Variants in PPP4R3A observed in about 807,000 individuals in gnomAD.
PPP4R3A encodes the protein serine/threonine-protein phosphatase 4 regulatory subunit 3A.
A neutral mutation model predicts 91.7 loss-of-function variants in PPP4R3A; 15 were observed. That is an observed-to-expected ratio of 0.16 (90% confidence interval 0.11 to 0.25). The LOEUF (loss-of-function observed/expected upper bound fraction) is 0.25, where lower values mean the gene tolerates loss of function less well. Ranked by LOEUF, PPP4R3A falls within the 10% of genes least tolerant of loss-of-function variation. The probability of loss-of-function intolerance (pLI) is 1.00; values close to 1 mark genes in which losing one functional copy is unlikely to be tolerated. For missense variants in PPP4R3A, 623 were observed against 998.4 expected (o/e 0.62, Z 5.07); for synonymous variants, 377 against 348.7 (o/e 1.08, Z -0.91).
intron 6 of PPP4R3A, 139 bp from the exon 7 acceptor site, chr14:91,476,105 A>G (rs1321751692): frequency 2.0e-5 from 16 of 818,520 alleles, no homozygotes; most frequent in Non-Finnish European, 5.5e-6. Flanking sequence ...TGCATATAAA[A>G]CTCTTATTGT....
chr14:91,489,454 C>T (rs1197690211), intron 2 of PPP4R3A, among the ~76,000 whole-genome samples: 1 of 152,200 alleles, frequency 6.6e-6, no homozygotes, highest in Admixed American at 6.5e-5. Flanking sequence ...CTTAATTACC[C>T]ATTTGACAAA....
At chr14:91,464,444 TTTATA>T (rs564832050) in intron 11 of PPP4R3A, among the ~76,000 whole-genome samples, 6 of 151,952 alleles carry the variant, frequency 3.9e-5, no homozygotes, top group Non-Finnish European at 5.9e-5. Context: ...AGTTTAATGT[TTTATA>T]TTATTTTATC....
At chr14:91,484,387 A>G (rs1037605279) in intron 3 of PPP4R3A, among the ~76,000 whole-genome samples, 1 of 152,230 alleles carries the variant, frequency 6.6e-6, no homozygotes, top group Non-Finnish European at 1.5e-5. Flanking sequence ...GACAAACCAT[A>G]GCCAAATTTG....
rs1306881341 is a variant in PPP4R3A at position 91,509,962 on chromosome 14, C to G, written c.-315G>C. The G allele has an allele frequency of 2.0e-6, 2 of 1,013,118 alleles. No individual in the cohort carries two copies. Among genetic ancestry groups the G allele is most frequent in the East Asian group, 9.5e-5 (1 of 10,550 alleles). The allele number at this position is 1,013,118 out of a possible 1,614,324, so 62.8% of individuals were successfully genotyped here. A position where few individuals can be genotyped will look rare whatever the true frequency, so the allele number is the denominator to read the frequency against. The stretch of plus-strand genomic sequence containing the variant: ...GCCCCGCAGCGCTAGGAACTCGGGG[C>G]TCCCGTCACTGCCCTGCTCCCGCCT... On this transcript the variant is annotated 5_prime_UTR_variant, in exon 1 of 15. Transcript: ENST00000554943.
At position 91,462,747 on chromosome 14, in the gene PPP4R3A, G is replaced by A; in HGVS notation, c.1961C>T (p.Pro654Leu). 6.2e-7 allele frequency: 1 copy of A among 1,613,466 alleles called. No individual in the cohort carries two copies. Among genetic ancestry groups the A allele is most frequent in the South Asian group, 1.1e-5 (1 of 91,050 alleles). ...FEQQRERQDN[P>L]KLDSMRSILR... ...TATGGTAATTTACCTGTCAAGTTTGGGATTATCTTGCCTTTCTCTTTGTTG... is the reference window on the plus strand; with the variant it reads ...TATGGTAATTTACCTGTCAAGTTTGAGATTATCTTGCCTTTCTCTTTGTTG... Residue 654 changes from proline (P) to leucine (L), a missense_variant, in exon 12 of 15, where the codon CCC (proline) becomes CTC (leucine). This residue lies in a region of PPP4R3A where 201 missense variants were observed against 229.9 expected (regional missense o/e 0.87). Transcript: ENST00000554943.
intron 1 of PPP4R3A, among the ~76,000 whole-genome samples, chr14:91,507,345 T>C (rs987869802): frequency 9.0e-6 from 1 of 110,728 alleles, no homozygotes; most frequent in African/African-American, 3.4e-5. Context: ...ATACATATTA[T>C]ATATACTATA....
chr14:91,476,838 T>C (rs1385906383), intron 5 of PPP4R3A, 71 bp downstream of exon 5: 9 of 1,333,110 alleles, frequency 6.8e-6, no homozygotes, highest in Middle Eastern at 5.0e-4. Flanking sequence ...GTGCTGGGAT[T>C]TACAGGCGTG....
rs1330219488 is a variant in PPP4R3A, at chr14:91,507,400, ATAAT to A, written c.142+2102_142+2105del. ...ATATATACTATATAGTATATGTACT[ATAAT>A]TATATATACTATATAATATATATAC... On this transcript the variant is annotated intron_variant, in intron 1 of 14. Transcript: ENST00000554943. Among the ~76,000 whole-genome samples, 14 of 84,774 alleles carry A rather than the reference ATAAT, an allele frequency of 1.7e-4. 1 individual carries two copies. The highest frequency in any genetic ancestry group is 5.8e-4 in the African/African-American group (14 of 24,132). 55.6% of individuals were successfully genotyped at this position (84,774 alleles called of 152,430 possible).
intron 4 of PPP4R3A, among the ~76,000 whole-genome samples, chr14:91,480,508 G>A (rs965096120): frequency 1.3e-5 from 2 of 152,048 alleles, no homozygotes; most frequent in East Asian, 3.9e-4. Flanking sequence ...CCTGAAACTG[G>A]ACTTTTACCG....
intron 1 of PPP4R3A, among the ~76,000 whole-genome samples, chr14:91,500,557 G>T (rs1355707234): frequency 6.6e-6 from 1 of 152,068 alleles, no homozygotes; most frequent in African/African-American, 2.4e-5. Context: ...ACACTGTACT[G>T]TTGTATAGCA....
At chr14:91,462,992 A>AG (rs1888253480) in intron 11 of PPP4R3A, 115 bp from the exon 12 acceptor site, 1 of 806,192 alleles carries the variant, frequency 1.2e-6, no homozygotes, top group Non-Finnish European at 1.9e-6. Flanking sequence ...AAAACTACAT[A>AG]ATCTTAGAGA....
intron 10 of PPP4R3A, among the ~76,000 whole-genome samples, chr14:91,468,621 T>C (rs1484020351): frequency 2.6e-5 from 3 of 116,096 alleles, no homozygotes. Context: ...TGAGCCGAGA[T>C]CGTACCACTG....
chr14:91,505,771 A>C (rs1191929539), intron 1 of PPP4R3A, among the ~76,000 whole-genome samples: 1 of 152,224 alleles, frequency 6.6e-6, no homozygotes, highest in East Asian at 1.9e-4. Context: ...TTTCTATTGG[A>C]CAAATGACTC....
At chr14:91,493,049 G>A (rs1890317770) in intron 1 of PPP4R3A, among the ~76,000 whole-genome samples, 1 of 151,824 alleles carries the variant, frequency 6.6e-6, no homozygotes, top group East Asian at 1.9e-4. Flanking sequence ...AATAAAGCAG[G>A]ACCTTGCCTC....
chr14:91,487,887 A>AT (rs1214963948), intron 2 of PPP4R3A, among the ~76,000 whole-genome samples: 3 of 152,128 alleles, frequency 2.0e-5, no homozygotes, highest in African/African-American at 7.2e-5. Context: ...CAATGTTTGT[A>AT]TTTTTTGTAG....
intron 7 of PPP4R3A, chr14:91,475,111 TGAGA>T (rs1480008007): frequency 3.9e-5 from 6 of 152,032 alleles, no homozygotes; most frequent in Admixed American, 2.6e-4. Flanking sequence ...AAGAAGGACC[TGAGA>T]GCAGGTCCTT....
At position 91,458,726 on chromosome 14, in the gene PPP4R3A, T is replaced by A. The variant is rs200599598; in HGVS notation, c.*33A>T. The A allele has an allele frequency of 6.2e-7, 1 of 1,613,946 alleles. No homozygotes were observed. The highest frequency in any genetic ancestry group is 8.5e-7 in the Non-Finnish European group (1 of 1,179,948). ...GGGAGGGGTGGAGAACCAGTTTTTT[T>A]CAACAGGTACTGATCCTAGGCCGTT... On this transcript the variant is annotated 3_prime_UTR_variant, in exon 15 of 15. Transcript: ENST00000554943.
intron 1 of PPP4R3A, among the ~76,000 whole-genome samples, chr14:91,506,861 T>C (rs1177267826): frequency 6.6e-6 from 1 of 152,224 alleles, no homozygotes; most frequent in East Asian, 1.9e-4. Flanking sequence ...AAGTCCATTC[T>C]TTGCATTCAG....
chr14:91,472,807 G>T (rs1241920021), intron 9 of PPP4R3A, among the ~76,000 whole-genome samples: 1 of 110,728 alleles, frequency 9.0e-6, no homozygotes, highest in South Asian at 3.1e-4. Context: ...TAATTCTCCA[G>T]GTTGCTTTTG....
Sources: gnomAD v4.1 joint callset for allele counts (sites outside exome capture counted in the v4.1 genomes callset) on GRCh38, gnomAD v4.1.1 for gene constraint, gnomAD v4.1.1 regional missense constraint, MANE v1.5 for transcripts, NCBI Gene and HGNC (gene_info 2026-07-23, HGNC 2026-07-21) for gene names.